LSAMP: variants seen among roughly 807,000 people sequenced by gnomAD.
The protein encoded by LSAMP is limbic system associated membrane protein, also known as limbic system-associated membrane protein.
In LSAMP, 7 loss-of-function variants were observed where a neutral mutation model predicts 38.6. The ratio of observed to expected loss-of-function variants is 0.18; its 90% confidence interval spans 0.10 to 0.34. The LOEUF (loss-of-function observed/expected upper bound fraction) is 0.34, where lower values mean the gene tolerates loss of function less well. LSAMP is among the 10% of genes least tolerant of loss of function. The probability of loss-of-function intolerance (pLI) is 1.00; values close to 1 mark genes in which losing one functional copy is unlikely to be tolerated. For synonymous variants in LSAMP, 154 were observed against 166.8 expected (o/e 0.92, Z 0.59); for missense variants, 313 against 420.0 (o/e 0.75, Z 2.23).
intron 2 of LSAMP, among the ~76,000 whole-genome samples, chr3:116,064,528 T>G (rs1425599336): frequency 2.0e-5 from 3 of 149,044 alleles, no homozygotes; most frequent in African/African-American, 7.4e-5. Context: ...AAAGTCAGTC[T>G]GATGAGTTAT....
chr3:115,852,135 C>A (rs1935352080), intron 4 of LSAMP, among the ~76,000 whole-genome samples: 1 of 152,158 alleles, frequency 6.6e-6, no homozygotes, highest in Admixed American at 6.5e-5. Flanking sequence ...CCAGTTAAAC[C>A]AGATACAAAT....
intron 6 of LSAMP, chr3:115,838,125 A>C (rs1184503633): frequency 6.6e-6 from 1 of 152,258 alleles, no homozygotes; most frequent in African/African-American, 2.4e-5. Flanking sequence ...TAGCCACTGC[A>C]CTCCAGCCTG....
chr3:116,008,354 A>G (rs1940225993), intron 3 of LSAMP, among the ~76,000 whole-genome samples: 1 of 152,154 alleles, frequency 6.6e-6, no homozygotes, highest in Admixed American at 6.5e-5. Flanking sequence ...CTATCAAATC[A>G]TTCTTCCTCT....
intron 3 of LSAMP, among the ~76,000 whole-genome samples, chr3:115,947,358 T>C (rs971847843): frequency 1.3e-5 from 2 of 152,180 alleles, no homozygotes; most frequent in African/African-American, 2.4e-5. Flanking sequence ...AAAACTCCCA[T>C]GATTTGCAGA....
intron 1 of LSAMP, among the ~76,000 whole-genome samples, chr3:116,110,992 G>C (rs149840211): frequency 1.3e-5 from 2 of 151,470 alleles, no homozygotes; most frequent in South Asian, 4.2e-4. Context: ...GGGCAGGGGC[G>C]GGGGGTCACA....
At chr3:116,263,380 A>C (rs1173685998) in intron 1 of LSAMP, among the ~76,000 whole-genome samples, 1 of 152,056 alleles carries the variant, frequency 6.6e-6, no homozygotes, top group Admixed American at 6.5e-5. Context: ...TCTACTAAAA[A>C]TACAAAAATT....
chr3:115,999,735 C>T (rs1939933701), intron 3 of LSAMP, among the ~76,000 whole-genome samples: 2 of 152,094 alleles, frequency 1.3e-5, no homozygotes, highest in Non-Finnish European at 2.9e-5. Context: ...ATAAACTAAT[C>T]GCTGTATGAG....
chr3:115,821,896 C>A (rs1380976800), intron 6 of LSAMP, among the ~76,000 whole-genome samples: 2 of 152,034 alleles, frequency 1.3e-5, no homozygotes, highest in African/African-American at 4.8e-5. Flanking sequence ...ATGGGTTTTG[C>A]CCTCTGACTT....
At chr3:115,905,295 T>C (rs946584294) in intron 3 of LSAMP, among the ~76,000 whole-genome samples, 1 of 152,076 alleles carries the variant, frequency 6.6e-6, no homozygotes, top group African/African-American at 2.4e-5. Context: ...CTCTCTCTCC[T>C]AGGTACTTTC....
At chr3:116,102,785 A>ATCTATCTATCTG (rs562864883) in intron 1 of LSAMP, among the ~76,000 whole-genome samples, 4 of 151,692 alleles carry the variant, frequency 2.6e-5, no homozygotes, top group African/African-American at 7.3e-5. Flanking sequence ...CTATCTATCT[A>ATCTATCTATCTG]TCTGTCTGTC....
chr3:116,126,234 C>G (rs1371654423), intron 1 of LSAMP, among the ~76,000 whole-genome samples: 2 of 152,188 alleles, frequency 1.3e-5, no homozygotes, highest in African/African-American at 2.4e-5. Flanking sequence ...GTAAACTCAA[C>G]CTGAATCTCG....
chr3:115,991,061 G>A (rs975334294), intron 3 of LSAMP, among the ~76,000 whole-genome samples: 3 of 151,810 alleles, frequency 2.0e-5, no homozygotes, highest in Admixed American at 6.6e-5. Context: ...CCCGACCCCC[G>A]GCTATGCCTC....
At position 116,332,189 on chromosome 3, in the gene LSAMP, G is replaced by A. The variant is rs183330855; in HGVS notation, c.155+112688C>T. Among the ~76,000 whole-genome samples the A allele has an allele frequency of 3.8e-3, 580 of 152,126 alleles. 4 individuals are homozygous for A. Among genetic ancestry groups the A allele is most frequent in the African/African-American group, 0.013 (548 of 41,520 alleles). Reference sequence around the variant, plus strand: ...TAAAAGTCATGATTTCTGCATGATAGAAATTATTAATATAAATGATAGTAT... The same window carrying A: ...TAAAAGTCATGATTTCTGCATGATAAAAATTATTAATATAAATGATAGTAT... On this transcript the variant is annotated intron_variant, in intron 1 of 6. Coordinates refer to ENST00000490035, the MANE Select transcript of LSAMP (RefSeq NM_002338.5).
At chr3:116,328,284 C>A (rs2047801414) in intron 1 of LSAMP, among the ~76,000 whole-genome samples, 1 of 152,170 alleles carries the variant, frequency 6.6e-6, no homozygotes, top group Admixed American at 6.5e-5. Context: ...CTCTAAACCA[C>A]AAAGAGCTCT....
chr3:115,953,708 T>C (rs1241233653), intron 3 of LSAMP, among the ~76,000 whole-genome samples: 2 of 152,240 alleles, frequency 1.3e-5, no homozygotes, highest in African/African-American at 4.8e-5. Flanking sequence ...ATTCCTCTGC[T>C]ACATTCTTCT....
At position 116,323,155 on chromosome 3, in the gene LSAMP, G is replaced by A. The variant is rs1337152535; in HGVS notation, c.155+121722C>T. On this transcript the variant is annotated intron_variant, in intron 1 of 6. Coordinates refer to ENST00000490035, the MANE Select transcript of LSAMP (RefSeq NM_002338.5). ...TGAGCAGGAATTATAACAGAGCAAG[G>A]TTGCAGAAAGAGCAGGAATGTGTTA... Among the ~76,000 whole-genome samples the A allele has an allele frequency of 3.9e-5, 6 of 152,080 alleles. No homozygotes were observed. The East Asian group carries it at 1.2e-3, about 29-fold the overall frequency.
intron 1 of LSAMP, among the ~76,000 whole-genome samples, chr3:116,399,133 A>G (rs2048807587): frequency 6.6e-6 from 1 of 152,214 alleles, no homozygotes; most frequent in African/African-American, 2.4e-5. Context: ...GATTTAAAAT[A>G]AGACTAGAGA....
intron 3 of LSAMP, among the ~76,000 whole-genome samples, chr3:115,869,473 G>C (rs938099456): frequency 1.3e-5 from 2 of 152,092 alleles, no homozygotes; most frequent in African/African-American, 4.8e-5. Context: ...GGCATAGTTA[G>C]ACAATACTAA....
At chr3:116,202,310 ATTTAGTAGAGACGGGGTTTCACCATG>A (rs2045998682) in intron 1 of LSAMP, among the ~76,000 whole-genome samples, 2 of 151,624 alleles carry the variant, frequency 1.3e-5, no homozygotes, top group Admixed American at 1.3e-4. Context: ...TAATTTTTGT[ATTTAGTAGAGACGGGGTTTCACCATG>A]TTGGCCAGGC....
Sources: gnomAD v4.1 joint callset for allele counts (sites outside exome capture counted in the v4.1 genomes callset) on GRCh38, gnomAD v4.1.1 for gene constraint, MANE v1.5 for transcripts, NCBI Gene and HGNC (gene_info 2026-07-23, HGNC 2026-07-21) for gene names.